Variants in CABLES1 observed in about 807,000 individuals in gnomAD.
The protein encoded by CABLES1 is Cdk5 and Abl enzyme substrate 1, also known as CDK5 and ABL1 enzyme substrate 1.
Under a neutral mutation model 57.8 loss-of-function variants are expected in CABLES1, and 36 were observed. The observed-to-expected ratio is 0.62, with a 90% CI of 0.48 to 0.82. CABLES1 has a LOEUF of 0.82. CABLES1 is among the 40% of genes least tolerant of loss of function. The pLI, the probability that CABLES1 is intolerant of heterozygous loss-of-function variation, is 0.00. For synonymous variants in CABLES1, 374 were observed against 363.0 expected, an observed-to-expected ratio of 1.03 and a Z score of -0.35; for missense variants, 767 against 836.6, an observed-to-expected ratio of 0.92 and a Z score of 1.03.
intron 3 of CABLES1, among the ~76,000 whole-genome samples, chr18:23,195,587 C>A (rs1029325931): frequency 6.6e-6 from 1 of 152,102 alleles, no homozygotes; most frequent in Non-Finnish European, 1.5e-5. Context: ...AGTTTTAAAG[C>A]CTTATAAGGA....
At chr18:23,165,233 C>G (rs576283477) in intron 1 of CABLES1, among the ~76,000 whole-genome samples, 3 of 152,176 alleles carry the variant, frequency 2.0e-5, no homozygotes, top group African/African-American at 7.2e-5. Context: ...CAAGTGCATG[C>G]CACCACACCC....
At chr18:23,194,633 C>T (rs1200562235) in intron 3 of CABLES1, 93 bp downstream of exon 3, 17 of 783,886 alleles carry the variant, frequency 2.2e-5, no homozygotes, top group Non-Finnish European at 2.5e-5. Context: ...ACTCAGCAAA[C>T]GCAAGCCCAC....
intron 4 of CABLES1, among the ~76,000 whole-genome samples, chr18:23,223,355 G>A (rs1206478249): frequency 1.3e-5 from 2 of 152,010 alleles, no homozygotes; most frequent in African/African-American, 2.4e-5. Flanking sequence ...CGAGGCGGGC[G>A]AATCATGAGG....
rs561307042 is a variant in CABLES1, at chr18:23,144,225, G to A, written c.845+7618G>A. ...TGGAGGGCCCCTCCTCCGTGGTCTG[G>A]TCAGAGCTTGATGGATTGCCCTGGG... On this transcript the variant is annotated intron_variant, in intron 1 of 9. Coordinates refer to ENST00000256925, the MANE Select transcript of CABLES1 (RefSeq NM_001100619.3). Among the ~76,000 whole-genome samples the A allele has an allele frequency of 2.0e-4, 31 of 152,352 alleles. No individual in the cohort carries two copies. The East Asian group carries it at 4.6e-3, about 23-fold the overall frequency.
intron 9 of CABLES1, 104 bp from the exon 10 acceptor site, chr18:23,257,123 T>G: frequency 5.3e-6 from 7 of 1,313,670 alleles, no homozygotes; most frequent in Middle Eastern, 1.9e-4. Flanking sequence ...AAAGTGGATT[T>G]CTCCTGAGCA....
At chr18:23,246,923 C>A (rs935358169) in intron 7 of CABLES1, among the ~76,000 whole-genome samples, 3 of 152,214 alleles carry the variant, frequency 2.0e-5, no homozygotes, top group Admixed American at 6.5e-5. Flanking sequence ...GAACTCCTGA[C>A]CTCAAGTGAT....
chr18:23,211,779 T>G (rs185480852), intron 3 of CABLES1, among the ~76,000 whole-genome samples: 43 of 152,366 alleles, frequency 2.8e-4, no homozygotes, highest in African/African-American at 9.4e-4. Context: ...ATTTAGAATT[T>G]GGCACGTAAT....
chr18:23,135,771 G>A lies in CABLES1; in HGVS notation c.9G>A (p.Ala3=). The change falls in exon 1 of 10, where the codon GCG becomes GCA. Residue 3 remains alanine (A), a synonymous_variant. Transcript: ENST00000256925. MA[A]AAAAATTAAC... ...CGCCGCAGACGGACACAATGGCGGC[G>A]GCGGCGGCGGCCGCCACCACGGCCG... 1 of 985,134 alleles carries A rather than the reference G, an allele frequency of 1.0e-6. No individual in the cohort carries two copies. Among genetic ancestry groups the A allele is most frequent in the Non-Finnish European group, 1.2e-6 (1 of 831,094 alleles). 61.0% of individuals were successfully genotyped at this position (985,134 alleles called of 1,614,324 possible). A position where few individuals can be genotyped will look rare whatever the true frequency, so the allele number is the denominator to read the frequency against.
chr18:23,243,057 TCA>T (rs1373335084), intron 7 of CABLES1, among the ~76,000 whole-genome samples: 1 of 150,294 alleles, frequency 6.7e-6, no homozygotes, highest in African/African-American at 2.4e-5. Flanking sequence ...AATAACATAC[TCA>T]TATATTTATT....
At position 23,237,169 on chromosome 18, in the gene CABLES1, A is replaced by G. The variant is rs1194595495; in HGVS notation, c.1370A>G (p.Tyr457Cys). 1.2e-6 allele frequency: 2 copies of G among 1,613,306 alleles called. No homozygotes were observed. The highest frequency in any genetic ancestry group is 1.3e-5 in the African/African-American group (1 of 74,906). ...TGSDLGDFMD[Y>C]DPNLLDDPQW... The stretch of plus-strand genomic sequence containing the variant: ...AGTGACCTGGGAGACTTTATGGACT[A>G]TGACCCAAATCTCTTGGATGACCCC... The change falls in exon 7 of 10, where the codon TAT becomes TGT. Residue 457 changes from tyrosine (Y) to cysteine (C), a missense_variant. By Grantham distance (194) the Tyr-to-Cys change is radical (BLOSUM62 -2). Around this residue, in one of 4 missense-constraint regions of CABLES1, gnomAD observed 529 missense variants for 622.8 expected, o/e 0.85. Transcript: ENST00000256925.
chr18:23,240,507 T>C (rs1181367844), intron 7 of CABLES1, among the ~76,000 whole-genome samples: 1 of 152,236 alleles, frequency 6.6e-6, no homozygotes, highest in Non-Finnish European at 1.5e-5. Flanking sequence ...GGTTGTGGAA[T>C]GCCCTCTTTG....
intron 3 of CABLES1, among the ~76,000 whole-genome samples, chr18:23,198,971 C>T (rs1384094966): frequency 9.9e-5 from 15 of 152,210 alleles, no homozygotes; most frequent in Admixed American, 9.8e-4. Context: ...AATTCACATC[C>T]AGGCATCAGA....
intron 1 of CABLES1, among the ~76,000 whole-genome samples, chr18:23,172,098 A>T (rs1396012583): frequency 6.6e-6 from 1 of 152,032 alleles, no homozygotes; most frequent in Non-Finnish European, 1.5e-5. Context: ...CTTTTTGTGT[A>T]TTTTTTGTAG....
chr18:23,250,077 T>C (rs1318642571), intron 7 of CABLES1, among the ~76,000 whole-genome samples: 1 of 152,132 alleles, frequency 6.6e-6, no homozygotes. Flanking sequence ...TATCTACAAA[T>C]AAGATGGAGC....
intron 1 of CABLES1, among the ~76,000 whole-genome samples, chr18:23,170,186 A>G (rs2047072389): frequency 6.6e-6 from 1 of 152,232 alleles, no homozygotes; most frequent in South Asian, 2.1e-4. Context: ...AAAAGGAGTC[A>G]GCATAGTACT....
At chr18:23,251,950 A>T (rs929548305) in intron 7 of CABLES1, among the ~76,000 whole-genome samples, 1 of 151,884 alleles carries the variant, frequency 6.6e-6, no homozygotes, top group Admixed American at 6.6e-5. Context: ...GCTGGGTGTG[A>T]TGGTGGGCGC....
rs529832324 is a variant in CABLES1, at chr18:23,249,070, TGAG to T, written c.1447-3887_1447-3885del. 1.8e-4 allele frequency among the ~76,000 whole-genome samples: 27 copies of T among 152,310 alleles called. No homozygotes were observed. The South Asian group carries it at 4.3e-3, about 25-fold the overall frequency. On this transcript the variant is annotated intron_variant, in intron 7 of 9. Coordinates refer to ENST00000256925, the MANE Select transcript of CABLES1 (RefSeq NM_001100619.3). Reference sequence around the variant, plus strand: ...TCTGCTGTGCTCTACACCTGCCAAATGAGGACCCAGAAGCTTAGTGACAGGACT... The same window carrying T: ...TCTGCTGTGCTCTACACCTGCCAAATGACCCAGAAGCTTAGTGACAGGACT...
At chr18:23,229,258 A>G (rs767142232) in intron 4 of CABLES1, among the ~76,000 whole-genome samples, 27 of 152,092 alleles carry the variant, frequency 1.8e-4, no homozygotes, top group Non-Finnish European at 5.9e-5. Flanking sequence ...CTAAAAATAC[A>G]AAAATTACCC....
chr18:23,222,468 T>C (rs2047494659), intron 4 of CABLES1, among the ~76,000 whole-genome samples: 1 of 151,672 alleles, frequency 6.6e-6, no homozygotes, highest in Non-Finnish European at 1.5e-5. Context: ...AGAAGCAAGG[T>C]TTCTGAAACT....
Sources: allele counts gnomAD v4.1 joint callset (sites outside exome capture counted in the v4.1 genomes callset), GRCh38; gene constraint gnomAD v4.1.1; regional missense constraint gnomAD v4.1.1; transcripts MANE v1.5; gene names NCBI Gene and HGNC (gene_info 2026-07-23, HGNC 2026-07-21).